Variants in RALGPS1 observed in about 807,000 individuals in gnomAD.
RALGPS1 encodes the protein ras-specific guanine nucleotide-releasing factor RalGPS1.
RALGPS1 carries 19 observed loss-of-function variants against 78.8 expected under a neutral mutation model. The ratio of observed to expected loss-of-function variants is 0.24; its 90% CI spans 0.17 to 0.35. RALGPS1 has a LOEUF of 0.35. RALGPS1 is among the 10% of genes least tolerant of loss of function. The pLI, the probability that RALGPS1 is intolerant of heterozygous loss-of-function variation, is 1.00. For missense variants in RALGPS1, 454 were observed against 688.3 expected, an observed-to-expected ratio of 0.66 and a Z score of 3.81; for synonymous variants, 228 against 256.3, an observed-to-expected ratio of 0.89 and a Z score of 1.06.
At chr9:126,974,080 G>T (rs1457146449) in intron 3 of RALGPS1, among the ~76,000 whole-genome samples, 3 of 152,138 alleles carry the variant, frequency 2.0e-5, no homozygotes, top group East Asian at 3.8e-4. Context: ...CACCATGTTG[G>T]CCAGGGTGGT....
chr9:126,974,024 C>T (rs1041499164), intron 3 of RALGPS1, among the ~76,000 whole-genome samples: 2 of 152,060 alleles, frequency 1.3e-5, no homozygotes, highest in African/African-American at 4.8e-5. Context: ...AGACATGCAC[C>T]ACCACACCCG....
intron 8 of RALGPS1, among the ~76,000 whole-genome samples, chr9:127,130,187 C>T (rs558885741): frequency 6.6e-5 from 10 of 152,190 alleles, no homozygotes; most frequent in Non-Finnish European, 1.3e-4. Context: ...ATGAAATTTA[C>T]CTATCCTCCC....
rs148908633 is a variant in RALGPS1 at position 127,190,928 on chromosome 9, A to C, written c.911-4163A>C. Among the ~76,000 whole-genome samples the C allele has an allele frequency of 2.7e-3, 406 of 152,226 alleles. 1 individual carries two copies. The highest frequency in any genetic ancestry group is 9.3e-3 in the African/African-American group (387 of 41,524). ...AGGCTAAATTTTTTATTTTTTTACCATCTGTTGTAATAAAAAGATATCTCC... is the reference window on the plus strand; with the variant it reads ...AGGCTAAATTTTTTATTTTTTTACCCTCTGTTGTAATAAAAAGATATCTCC... On this transcript the variant is annotated intron_variant, in intron 11 of 18. Transcript: ENST00000259351.
chr9:127,094,162 C>T (rs1399518054), intron 8 of RALGPS1, among the ~76,000 whole-genome samples: 1 of 152,192 alleles, frequency 6.6e-6, no homozygotes, highest in Non-Finnish European at 1.5e-5. Flanking sequence ...TCACCCGCCT[C>T]ACAGTTTGAC....
chr9:127,212,600 A>C lies in RALGPS1; in HGVS notation c.1354-27A>C. On this transcript the variant is annotated intron_variant, in intron 15 of 18. Coordinates refer to ENST00000259351, the MANE Select transcript of RALGPS1 (RefSeq NM_014636.3). The surrounding 1 kb of genome is among the most constrained non-coding windows in gnomAD (Gnocchi z 6.0). ...CTCTACCCCCACGACCCCTGGTGGCATCACTCAGCCTCCCCTTCCTCTGTA... is the reference window on the plus strand; with the variant it reads ...CTCTACCCCCACGACCCCTGGTGGCCTCACTCAGCCTCCCCTTCCTCTGTA... The C allele has an allele frequency of 6.5e-7, 1 of 1,538,798 alleles. No homozygotes were observed. The highest frequency in any genetic ancestry group is 2.3e-5 in the East Asian group (1 of 44,370).
rs551949510 is a variant in RALGPS1 at position 126,918,964 on chromosome 9, C to G, written c.-66+3989C>G. On this transcript the variant is annotated intron_variant, in intron 1 of 18. Coordinates refer to ENST00000259351, the MANE Select transcript of RALGPS1 (RefSeq NM_014636.3). Reference sequence around the variant, plus strand: ...GGATTATAGGCGTGAGCCACCGCACCGGGCCCACACATGGATTTTTTTTAA... The same window carrying G: ...GGATTATAGGCGTGAGCCACCGCACGGGGCCCACACATGGATTTTTTTTAA... 3.9e-5 allele frequency among the ~76,000 whole-genome samples: 6 copies of G among 152,152 alleles called. No individual in the cohort carries two copies. The East Asian group carries it at 9.7e-4, about 25-fold the overall frequency.
rs1036247450 is a variant in RALGPS1, at chr9:126,990,080, G to A, written c.216+12335G>A. The stretch of plus-strand genomic sequence containing the variant: ...TTCCAGAAAGCCGAGGTCAATGTTG[G>A]ACGTCGGACAAACCCTGTGTGTCTT... On this transcript the variant is annotated intron_variant, in intron 4 of 18. Coordinates refer to ENST00000259351, the MANE Select transcript of RALGPS1 (RefSeq NM_014636.3). 3.4e-5 allele frequency: 51 copies of A among 1,491,196 alleles called. No individual in the cohort carries two copies. The Admixed American group carries it at 7.5e-4, about 22-fold the overall frequency. The allele number at this position is 1,491,196 out of a possible 1,614,324, so 92.4% of individuals were successfully genotyped here. A position where few individuals can be genotyped will look rare whatever the true frequency, so the allele number is the denominator to read the frequency against.
chr9:127,057,970 G>A (rs2048883713), intron 7 of RALGPS1, among the ~76,000 whole-genome samples: 1 of 152,238 alleles, frequency 6.6e-6, no homozygotes, highest in South Asian at 2.1e-4. Flanking sequence ...TTAGTGTGGT[G>A]TTAGAGAAGG....
intron 3 of RALGPS1, 32 bp downstream of exon 3, chr9:126,965,983 G>A (rs1394198137): frequency 6.5e-7 from 1 of 1,540,408 alleles, no homozygotes; most frequent in Non-Finnish European, 9.0e-7. Context: ...TGGGTGGCTG[G>A]GCACCACAGC....
intron 4 of RALGPS1, chr9:126,989,933 C>A: frequency 1.3e-6 from 2 of 1,550,530 alleles, no homozygotes; most frequent in South Asian, 2.4e-5. Context: ...CTGCAGAAGT[C>A]CACAGTTTCC....
intron 11 of RALGPS1, among the ~76,000 whole-genome samples, chr9:127,181,050 C>T (rs2060185965): frequency 6.6e-6 from 1 of 152,230 alleles, no homozygotes; most frequent in Admixed American, 6.5e-5. Context: ...ATCACAGAGC[C>T]CTTATGAGCC....
intron 8 of RALGPS1, among the ~76,000 whole-genome samples, chr9:127,137,503 G>A (rs975652611): frequency 5.3e-5 from 8 of 152,202 alleles, no homozygotes; most frequent in Admixed American, 2.6e-4. Context: ...GCAGCAGGCC[G>A]CCAGCTCTAC....
chr9:127,120,012 CAG>C (rs1266991337), intron 8 of RALGPS1, among the ~76,000 whole-genome samples: 1 of 152,192 alleles, frequency 6.6e-6, no homozygotes, highest in Non-Finnish European at 1.5e-5. Context: ...ACTGGAACCT[CAG>C]GGGGCCACAG....
chr9:127,012,459 A>G (rs938391061), intron 4 of RALGPS1, among the ~76,000 whole-genome samples: 2 of 152,136 alleles, frequency 1.3e-5, no homozygotes, highest in Non-Finnish European at 2.9e-5. Context: ...TTGGACCTGG[A>G]GCACCCAGGG....
chr9:127,060,541 GTTA>G (rs928120373), intron 7 of RALGPS1, among the ~76,000 whole-genome samples: 4 of 149,082 alleles, frequency 2.7e-5, no homozygotes, highest in African/African-American at 1.0e-4. Flanking sequence ...TGTTGTTGTT[GTTA>G]TTAATATTTT....
chr9:126,962,649 T>A (rs1445677759), intron 2 of RALGPS1, among the ~76,000 whole-genome samples: 3 of 152,244 alleles, frequency 2.0e-5, no homozygotes, highest in Admixed American at 1.3e-4. Context: ...GAAAAGCCGC[T>A]GCTGATTATA....
In RALGPS1 at chr9:126,965,730, A is replaced by G. The variant is rs1051749698; in HGVS notation, c.58-114A>G. 14 of 749,690 alleles carry G rather than the reference A, an allele frequency of 1.9e-5. No individual in the cohort carries two copies. In the African/African-American group the frequency reaches 2.3e-4, roughly 12 times the overall value. 46.4% of individuals were successfully genotyped at this position (749,690 alleles called of 1,614,324 possible). On this transcript the variant is annotated intron_variant, in intron 2 of 18. Transcript: ENST00000259351. ...GGTAAAGCTCTAATCAATAGAAGCC[A>G]TTTTTTATTGTACTATTCCATTGCT...
intron 4 of RALGPS1, among the ~76,000 whole-genome samples, chr9:127,008,532 A>G (rs937540052): frequency 6.6e-6 from 1 of 152,180 alleles, no homozygotes; most frequent in African/African-American, 2.4e-5. Flanking sequence ...GATGGGGTGA[A>G]GCTGAACATC....
chr9:127,122,287 T>TCTCATGGCC lies in RALGPS1; in HGVS notation c.611-43781_611-43773dup, dbSNP rs1218970430. ...CCAGCGGCTGCCTCTCGCCCCTGCC[T>TCTCATGGCC]CTCATGGCCGCAGAGCTGGCCCCTT... On this transcript the variant is annotated intron_variant, in intron 8 of 18. Transcript: ENST00000259351. This position sits in a 1 kb window ranked among gnomAD's most constrained non-coding sequence, Gnocchi z 6.4. 1 of 152,306 alleles carries TCTCATGGCC rather than the reference T, an allele frequency of 6.6e-6. No individual in the cohort carries two copies. Among genetic ancestry groups the TCTCATGGCC allele is most frequent in the Non-Finnish European group, 1.5e-5 (1 of 68,152 alleles). The allele number at this position is 152,306 out of a possible 1,614,324, so 9.4% of individuals were successfully genotyped here. A position where few individuals can be genotyped will look rare whatever the true frequency, so the allele number is the denominator to read the frequency against.
Sources: gnomAD v4.1 joint callset for allele counts (sites outside exome capture counted in the v4.1 genomes callset) on GRCh38, gnomAD v4.1.1 for gene constraint, Gnocchi (gnomAD v3.1) non-coding constraint, MANE v1.5 for transcripts, NCBI Gene and HGNC (gene_info 2026-07-23, HGNC 2026-07-21) for gene names.